The following TMEM167A variants were observed in gnomAD, a reference collection of about 807,000 sequenced individuals.
TMEM167A encodes the protein transmembrane protein 167A, also known as protein kish-A.
Under a neutral mutation model 11.6 loss-of-function variants are expected in TMEM167A, and 8 were observed. The observed-to-expected ratio is 0.69, with a 90% CI of 0.40 to 1.24. The LOEUF (loss-of-function observed/expected upper bound fraction) is 1.24. TMEM167A is among the 50% of genes most tolerant of loss of function. The probability of loss-of-function intolerance (pLI) is 0.01; values close to 1 mark genes in which losing one functional copy is unlikely to be tolerated. For missense variants in TMEM167A, 62 were observed against 87.0 expected (o/e 0.71, Z 1.14); for synonymous variants, 22 against 28.0 (o/e 0.79, Z 0.67).
intron 1 of TMEM167A, among the ~76,000 whole-genome samples, chr5:83,070,082 T>C (rs1744538879): frequency 6.6e-6 from 1 of 152,166 alleles, no homozygotes; most frequent in Non-Finnish European, 1.5e-5. Context: ...CCTGAGGTAA[T>C]TTCCATTCAG....
chr5:83,072,244 A>T (rs1265871275), intron 1 of TMEM167A, among the ~76,000 whole-genome samples: 1 of 152,206 alleles, frequency 6.6e-6, no homozygotes, highest in Non-Finnish European at 1.5e-5. Flanking sequence ...GAGAAGGCAT[A>T]CGCAAAACAA....
In TMEM167A at chr5:83,075,396, T is replaced by C. The variant is rs116223330; in HGVS notation, c.3+1925A>G. Among the ~76,000 whole-genome samples the C allele has an allele frequency of 4.5e-3, 686 of 152,328 alleles. 2 individuals are homozygous for C. Among genetic ancestry groups the C allele is most frequent in the Non-Finnish European group, 7.3e-3 (495 of 68,016 alleles). On this transcript the variant is annotated intron_variant, in intron 1 of 3. Coordinates refer to ENST00000502346, the MANE Select transcript of TMEM167A (RefSeq NM_174909.5). ...TCACAAGTGCTACAATTACTGTTCA[T>C]GCTGACAGTTGTAAATTATTACTGC...
At chr5:83,073,205 A>C (rs1251566670) in intron 1 of TMEM167A, among the ~76,000 whole-genome samples, 1 of 152,190 alleles carries the variant, frequency 6.6e-6, no homozygotes, top group Non-Finnish European at 1.5e-5. Context: ...CATATGAAAA[A>C]TGTGGCCAAT....
At chr5:83,059,711 A>G (rs1744379892) in intron 3 of TMEM167A, among the ~76,000 whole-genome samples, 1 of 152,078 alleles carries the variant, frequency 6.6e-6, no homozygotes, top group Non-Finnish European at 1.5e-5. Flanking sequence ...ATAAGTCTGC[A>G]CCATAAATTT....
chr5:83,060,778 C>T (rs977312273), intron 3 of TMEM167A, among the ~76,000 whole-genome samples: 23 of 150,080 alleles, frequency 1.5e-4, no homozygotes, highest in African/African-American at 4.2e-4. Flanking sequence ...TTGCAGTGAG[C>T]GGAGATCGTG....
In TMEM167A at chr5:83,054,007, A is replaced by T. The variant is rs1744294210; in HGVS notation, c.*3077T>A. 1.3e-5 allele frequency: 2 copies of T among 152,182 alleles called. No homozygotes were observed. Among genetic ancestry groups the T allele is most frequent in the Non-Finnish European group, 2.9e-5 (2 of 67,938 alleles). The allele number at this position is 152,182 out of a possible 1,614,324, so 9.4% of individuals were successfully genotyped here. A position where few individuals can be genotyped will look rare whatever the true frequency, so the allele number is the denominator to read the frequency against. Reference sequence around the variant, plus strand: ...TAGGAGTAGAAATATTCTATTTACCAGTGCTAACTCTTTTTCACAAAACCA... The same window carrying T: ...TAGGAGTAGAAATATTCTATTTACCTGTGCTAACTCTTTTTCACAAAACCA... On this transcript the variant is annotated 3_prime_UTR_variant, in exon 4 of 4. Coordinates refer to ENST00000502346, the MANE Select transcript of TMEM167A (RefSeq NM_174909.5).
chr5:83,058,636 G>T (rs112441238), intron 3 of TMEM167A, among the ~76,000 whole-genome samples: 396 of 152,128 alleles, frequency 2.6e-3, no homozygotes, highest in African/African-American at 8.8e-3. Flanking sequence ...TCATCTCATA[G>T]AGTCTTATTA....
intron 1 of TMEM167A, among the ~76,000 whole-genome samples, chr5:83,075,534 C>G (rs369954303): frequency 2.0e-5 from 3 of 152,062 alleles, no homozygotes; most frequent in South Asian, 2.1e-4. Flanking sequence ...ATCACGAGGT[C>G]AAGAGATCGA....
chr5:83,062,514 C>T lies in TMEM167A; in HGVS notation c.114-603G>A, dbSNP rs534420404. On this transcript the variant is annotated intron_variant, in intron 2 of 3. Transcript: ENST00000502346. ...CTCTATGTGAATTCACTAAATATGG[C>T]ATTTAAAGCACATACTCTGGGAATA... Among the ~76,000 whole-genome samples, 11 of 152,060 alleles carry T rather than the reference C, an allele frequency of 7.2e-5. No individual in the cohort carries two copies. In the South Asian group the frequency reaches 2.1e-3, roughly 29 times the overall value.
intron 2 of TMEM167A, 31 bp from the exon 3 acceptor site, chr5:83,061,942 C>A (rs759369052): frequency 1.3e-6 from 2 of 1,568,670 alleles, no homozygotes; most frequent in East Asian, 2.2e-5. Flanking sequence ...AAAAAAGTAG[C>A]TATTGATTAC....
At chr5:83,073,284 G>T (rs73769243) in intron 1 of TMEM167A, among the ~76,000 whole-genome samples, 5,698 of 152,234 alleles carry the variant, frequency 0.037, 340 homozygotes, top group African/African-American at 0.13. Context: ...AACGAAAACA[G>T]TAAGCCCTCA....
intron 1 of TMEM167A, among the ~76,000 whole-genome samples, chr5:83,075,301 G>A (rs1469281470): frequency 6.6e-6 from 1 of 152,178 alleles, no homozygotes; most frequent in East Asian, 1.9e-4. Flanking sequence ...GATGAGACAT[G>A]AGAGAAATGT....
intron 1 of TMEM167A, among the ~76,000 whole-genome samples, chr5:83,072,520 C>G (rs1157338152): frequency 6.6e-6 from 1 of 151,800 alleles, no homozygotes; most frequent in African/African-American, 2.4e-5. Flanking sequence ...CCTACAGTTT[C>G]TTAAAATTCC....
In TMEM167A at chr5:83,056,591, C is replaced by G. The variant is rs1223256044; in HGVS notation, c.*493G>C. ...AGAGTTTGCTAAGAGTAGAGGTACT[C>G]TGGTTAATGATCAAAATGGTGTGCC... On this transcript the variant is annotated 3_prime_UTR_variant, in exon 4 of 4. Transcript: ENST00000502346. 1.2e-5 allele frequency: 2 copies of G among 163,044 alleles called. No individual in the cohort carries two copies. Among genetic ancestry groups the G allele is most frequent in the Admixed American group, 1.3e-4 (2 of 15,384 alleles). The allele number at this position is 163,044 out of a possible 1,614,324, so 10.1% of individuals were successfully genotyped here.
intron 1 of TMEM167A, 44 bp downstream of exon 1, chr5:83,077,277 C>T: frequency 1.2e-6 from 2 of 1,614,198 alleles, no homozygotes; most frequent in Admixed American, 1.7e-5. Flanking sequence ...GATCCACAAC[C>T]CCTTCTCGAA....
chr5:83,062,293 T>A lies in TMEM167A; in HGVS notation c.114-382A>T, dbSNP rs570628229. ...TTTTGATAAAATGTTAAATGAACAT[T>A]TTTTGGTTGAATGTGACACCAAAAA... On this transcript the variant is annotated intron_variant, in intron 2 of 3. Transcript: ENST00000502346. Among the ~76,000 whole-genome samples the A allele has an allele frequency of 1.2e-4, 18 of 152,308 alleles. No individual in the cohort carries two copies. In the South Asian group the frequency reaches 3.7e-3, roughly 32 times the overall value.
intron 2 of TMEM167A, among the ~76,000 whole-genome samples, chr5:83,063,428 T>G (rs2112242122): frequency 6.6e-6 from 1 of 152,252 alleles, no homozygotes; most frequent in Middle Eastern, 3.4e-3. Context: ...AACAATGGAA[T>G]AGGTTAGGCA....
chr5:83,057,013 C>T lies in TMEM167A; in HGVS notation c.*71G>A, dbSNP rs1226489373. The T allele has an allele frequency of 1.5e-5, 20 of 1,336,466 alleles. No individual in the cohort carries two copies. The highest frequency in any genetic ancestry group is 2.0e-5 in the Non-Finnish European group (19 of 932,918). 82.8% of individuals were successfully genotyped at this position (1,336,466 alleles called of 1,614,324 possible). On this transcript the variant is annotated 3_prime_UTR_variant, in exon 4 of 4. Coordinates refer to ENST00000502346, the MANE Select transcript of TMEM167A (RefSeq NM_174909.5). ...AGATAAAAGAGTTAAACATCCTTTC[C>T]ATTATTTTCTGCAGTCAGTCCTTGT...
chr5:83,074,439 T>C (rs1744608481), intron 1 of TMEM167A, among the ~76,000 whole-genome samples: 1 of 152,248 alleles, frequency 6.6e-6, no homozygotes, highest in Non-Finnish European at 1.5e-5. Context: ...TCTTCTGCTA[T>C]AAGAGGAGAG....
Sources: allele counts gnomAD v4.1 joint callset (sites outside exome capture counted in the v4.1 genomes callset), GRCh38; gene constraint gnomAD v4.1.1; transcripts MANE v1.5; gene names NCBI Gene and HGNC (gene_info 2026-07-23, HGNC 2026-07-21).